Variants in WDR90 observed in about 807,000 individuals in gnomAD.
The protein encoded by WDR90 is WD repeat-containing protein 90.
In WDR90, 238 loss-of-function variants were observed where a neutral mutation model predicts 195.2. The ratio of observed to expected loss-of-function variants is 1.22; its 90% CI spans 1.10 to 1.36. The LOEUF is 1.36. Ranked by LOEUF, WDR90 falls within the 40% of genes most tolerant of loss-of-function variation. WDR90 has a pLI of 0.00. For missense variants in WDR90, 2,734 were observed against 2,439.5 expected, an observed-to-expected ratio of 1.12 and a Z score of -2.54; for synonymous variants, 1,265 against 1,052.4, an observed-to-expected ratio of 1.20 and a Z score of -3.91.
rs988436915 is a variant in WDR90 at position 649,820 on chromosome 16, G to T, written c.68G>T (p.Arg23Leu). The T allele has an allele frequency of 3.2e-6, 5 of 1,582,266 alleles. No individual in the cohort carries two copies. In the South Asian group the frequency reaches 5.7e-5, roughly 18 times the overall value. Residue 23 changes from arginine (R) to leucine (L), a missense_variant, in exon 2 of 41, where the codon CGC (arginine) becomes CTC (leucine). Physicochemically the swap from Arg to Leu is moderately radical, Grantham distance 102. Transcript: ENST00000293879. Reference sequence around the variant, plus strand: ...CACTTCCGGGTGGACGAGTGGAAGCGCTCCGCCAAGCAGGGGGACGTGGCC... The same window carrying T: ...CACTTCCGGGTGGACGAGTGGAAGCTCTCCGCCAAGCAGGGGGACGTGGCC... Reference protein sequence around the residue: ...FRHFRVDEWKRSAKQGDVAVV... With the variant: ...FRHFRVDEWKLSAKQGDVAVV...
At position 666,713 on chromosome 16, in the gene WDR90, C is replaced by G. The variant is rs755255405; in HGVS notation, c.4925C>G (p.Pro1642Arg). 5.6e-6 allele frequency: 9 copies of G among 1,612,734 alleles called. No individual in the cohort carries two copies. Among genetic ancestry groups the G allele is most frequent in the South Asian group, 1.1e-5 (1 of 91,084 alleles). ...CCACCCTCCCTCGCTGCCTTCTGCC[C>G]TTGGGATGGGGCGCTCCTGATGTAC... The part of the protein sequence containing the change: ...HLPPSLAAFC[P>R]WDGALLMYVG... The change falls in exon 39 of 41, where the codon CCT becomes CGT. Residue 1642 changes from proline (P) to arginine (R), a missense_variant. By Grantham distance (103) the Pro-to-Arg change is moderately radical. Coordinates refer to ENST00000293879, the MANE Select transcript of WDR90 (RefSeq NM_145294.5).
rs752683161 is a variant in WDR90 at position 655,858 on chromosome 16, C to T, written c.1935C>T (p.Pro645=). 1.9e-6 allele frequency: 3 copies of T among 1,599,048 alleles called. No individual in the cohort carries two copies. In the East Asian group the frequency reaches 6.8e-5, roughly 36 times the overall value. The change falls in exon 17 of 41, where the codon CCC becomes CCT. Residue 645 remains proline (P), a synonymous_variant. Transcript: ENST00000293879. ...GSEDGFLRLW[P]LDFSSVLLEA... is the part of the protein sequence containing the mutation. Reference sequence around the variant, plus strand: ...AGGACGGCTTCTTGCGGCTCTGGCCCCTGGACTTCTCCTCGGTGCTCCTGG... The same window carrying T: ...AGGACGGCTTCTTGCGGCTCTGGCCTCTGGACTTCTCCTCGGTGCTCCTGG...
intron 13 of WDR90, chr16:654,722 T>A (rs2037711135): frequency 2.5e-6 from 1 of 403,414 alleles, no homozygotes; most frequent in Non-Finnish European, 4.6e-6. Context: ...AGTGCTGGGA[T>A]CACAGGCATG....
At chr16:650,819 T>C in intron 5 of WDR90, 110 bp downstream of exon 5, 1 of 1,508,792 alleles carries the variant, frequency 6.6e-7, no homozygotes. Flanking sequence ...CTGTGCTGTC[T>C]CTGAGCTCTG....
At position 653,326 on chromosome 16, in the gene WDR90, G is replaced by T. The variant is rs368182340; in HGVS notation, c.1123-15G>T. On this transcript the variant is annotated splice_polypyrimidine_tract_variant and intron_variant, in intron 10 of 40. Transcript: ENST00000293879. Reference sequence around the variant, plus strand: ...GCGTAGCACCGGTCCTCAGCCCCCCGCCCCCTTGTGCCAGGCCCTGTGGAC... The same window carrying T: ...GCGTAGCACCGGTCCTCAGCCCCCCTCCCCCTTGTGCCAGGCCCTGTGGAC... The T allele has an allele frequency of 2.7e-5, 41 of 1,507,790 alleles. No individual in the cohort carries two copies. Among genetic ancestry groups the T allele is most frequent in the Non-Finnish European group, 3.5e-5 (39 of 1,128,594 alleles). The allele number at this position is 1,507,790 out of a possible 1,614,324, so 93.4% of individuals were successfully genotyped here. A position where few individuals can be genotyped will look rare whatever the true frequency, so the allele number is the denominator to read the frequency against.
In WDR90 at chr16:655,288, C is replaced by T. The variant is rs1225700552; in HGVS notation, c.1557-19C>T. 2 of 1,608,582 alleles carry T rather than the reference C, an allele frequency of 1.2e-6. No homozygotes were observed. Among genetic ancestry groups the T allele is most frequent in the Non-Finnish European group, 1.7e-6 (2 of 1,179,770 alleles). ...GGGCGCTGCGAGCTGCGGCAGTGCTCAGTCCTCATTCCTTGCAGGATGGCG... is the reference window on the plus strand; with the variant it reads ...GGGCGCTGCGAGCTGCGGCAGTGCTTAGTCCTCATTCCTTGCAGGATGGCG... On this transcript the variant is annotated intron_variant, in intron 14 of 40. Transcript: ENST00000293879.
chr16:665,370 G>C (rs1006889961), intron 34 of WDR90: 1 of 572,318 alleles, frequency 1.7e-6, no homozygotes, highest in Non-Finnish European at 3.1e-6. Context: ...TTCAGCCTCA[G>C]TCTGTAGCCT....
intron 34 of WDR90, 29 bp downstream of exon 34, chr16:662,873 G>C (rs776018490): frequency 1.3e-6 from 2 of 1,537,762 alleles, no homozygotes; most frequent in Non-Finnish European, 1.7e-6. Flanking sequence ...GGGCAGAGGC[G>C]GGGCAGCCGA....
chr16:660,642 T>G lies in WDR90; in HGVS notation c.3319T>G (p.Trp1107Gly). The change falls in exon 28 of 41, where the codon TGG becomes GGG. Residue 1107 changes from tryptophan to glycine, a missense_variant. Physicochemically the swap from Trp to Gly is radical, Grantham distance 184 (BLOSUM62 -2). Coordinates refer to ENST00000293879, the MANE Select transcript of WDR90 (RefSeq NM_145294.5). ...GTCPPPASGG[W>G]LRLKAVVGYS... ...TTGCCCGCCTCCCGCCAGCGGTGGGTGGCTGCGTCTGAAGGCTGTCGTCGG... is the reference window on the plus strand; with the variant it reads ...TTGCCCGCCTCCCGCCAGCGGTGGGGGGCTGCGTCTGAAGGCTGTCGTCGG... The G allele has an allele frequency of 6.3e-7, 1 of 1,577,804 alleles. No individual in the cohort carries two copies. The highest frequency in any genetic ancestry group is 8.6e-7 in the Non-Finnish European group (1 of 1,162,886).
intron 40 of WDR90, 54 bp downstream of exon 40, chr16:667,043 T>C (rs2038097963): frequency 6.6e-7 from 1 of 1,523,922 alleles, no homozygotes; most frequent in Non-Finnish European, 8.9e-7. Context: ...CCAAGTGGGC[T>C]GACTGGTGCC....
intron 35 of WDR90, 28 bp downstream of exon 35, chr16:665,829 C>T (rs748293982): frequency 1.7e-5 from 24 of 1,451,662 alleles, no homozygotes; most frequent in East Asian, 5.5e-5. Flanking sequence ...GGGCCGGGGG[C>T]GGGATGGGGG....
intron 28 of WDR90, 81 bp from the exon 29 acceptor site, chr16:660,970 C>CCCCCT: frequency 2.3e-6 from 1 of 429,264 alleles, no homozygotes; most frequent in South Asian, 4.0e-5. Flanking sequence ...GGCCCCGCCC[C>CCCCCT]CTGTTCGGCC....
Position 666,350 on chromosome 16 carries a change from G to C in WDR90, c.4740G>C (p.Glu1580Asp). ...CTACCATCTGTGTCACGTGCAAAGA[G>C]GTAAAGCAGCCCCAAGAGCTGGGGA... Reference protein sequence around the residue: ...PISTICVTCKECEDLGVEGTD... With the variant: ...PISTICVTCKDCEDLGVEGTD... The change falls in exon 37 of 41, where the codon GAG becomes GAC. Residue 1580 changes from glutamate (E) to aspartate (D), a missense_variant and splice_region_variant. Glu to Asp is a conservative substitution (Grantham distance 45). Coordinates refer to ENST00000293879, the MANE Select transcript of WDR90 (RefSeq NM_145294.5). 1 of 1,612,658 alleles carries C rather than the reference G, an allele frequency of 6.2e-7. No homozygotes were observed. The highest frequency in any genetic ancestry group is 8.5e-7 in the Non-Finnish European group (1 of 1,179,954).
chr16:655,643 C>T lies in WDR90; in HGVS notation c.1789C>T (p.Arg597Cys), dbSNP rs770511043. 42 of 1,606,924 alleles carry T rather than the reference C, an allele frequency of 2.6e-5. No individual in the cohort carries two copies. Among genetic ancestry groups the T allele is most frequent in the Admixed American group, 6.7e-5 (4 of 59,272 alleles). Residue 597 changes from arginine (R) to cysteine (C), a missense_variant, in exon 16 of 41, where the codon CGC (arginine) becomes TGC (cysteine). Physicochemically the swap from Arg to Cys is radical, Grantham distance 180. Coordinates refer to ENST00000293879, the MANE Select transcript of WDR90 (RefSeq NM_145294.5). ...CQRMVVRHAR[R>C]LLPTRTPGGP... is the part of the protein sequence containing the mutation. Reference sequence around the variant, plus strand: ...GCGCATGGTCGTGCGGCATGCCCGCCGCCTGCTCCCCACACGGACTCCAGG... The same window carrying T: ...GCGCATGGTCGTGCGGCATGCCCGCTGCCTGCTCCCCACACGGACTCCAGG...
intron 26 of WDR90, 35 bp from the exon 27 acceptor site, chr16:660,023 G>C (rs1259801217): frequency 1.3e-6 from 2 of 1,482,110 alleles, no homozygotes; most frequent in Non-Finnish European, 1.8e-6. Context: ...GCTCAGGGCA[G>C]TGTAATGCCA....
In WDR90 at chr16:651,696, A is replaced by T; in HGVS notation, c.789A>T (p.Lys263Asn). The T allele has an allele frequency of 6.2e-7, 1 of 1,612,920 alleles. No homozygotes were observed. Among genetic ancestry groups the T allele is most frequent in the Non-Finnish European group, 8.5e-7 (1 of 1,179,972 alleles). The change falls in exon 8 of 41, where the codon AAA (lysine) becomes AAT (asparagine). Residue 263 changes from lysine (K) to asparagine (N), a missense_variant. Physicochemically the swap from Lys to Asn is moderately conservative, Grantham distance 94. Transcript: ENST00000293879. ...TCCCTTGCCCGGTGGCCTCCAGCAA[A>T]CCTGTGCGGTTCAGTGTGTCTCCAG... ...QPLPCPVASSKPVRFSVSPVV... is the reference protein window; with the variant it reads ...QPLPCPVASSNPVRFSVSPVV...
rs924632575 is a variant in WDR90, at chr16:652,044, G to A, written c.1053+5G>A. 6.3e-7 allele frequency: 1 copy of A among 1,587,884 alleles called. No homozygotes were observed. The highest frequency in any genetic ancestry group is 1.3e-5 in the African/African-American group (1 of 74,520). On this transcript the variant is annotated splice_donor_5th_base_variant and intron_variant, in intron 9 of 40. Coordinates refer to ENST00000293879, the MANE Select transcript of WDR90 (RefSeq NM_145294.5). ...GCCCGCACCGGCTCCTGCGAAGTGA[G>A]TGCCCATCCCACAGCAGGCGGGGCC... is the stretch of plus-strand genomic sequence containing the variant.
In WDR90 at chr16:661,508, G is replaced by C. The variant is rs758784610; in HGVS notation, c.3673+7G>C. ...AGGCTTCTTGTCACACTGGGTCAGT[G>C]GGAGGGAGGGTGGAGGCCAGGGGCT... On this transcript the variant is annotated splice_region_variant and intron_variant, in intron 30 of 40. Coordinates refer to ENST00000293879, the MANE Select transcript of WDR90 (RefSeq NM_145294.5). The C allele has an allele frequency of 6.3e-7, 1 of 1,596,758 alleles. No homozygotes were observed. The highest frequency in any genetic ancestry group is 8.6e-7 in the Non-Finnish European group (1 of 1,169,558).
chr16:654,056 A>G (rs1037145168), intron 13 of WDR90: 5 of 526,914 alleles, frequency 9.5e-6, no homozygotes, highest in South Asian at 6.1e-5. Context: ...GCGTTTACAC[A>G]CCTCGCCTCG....
Sources: allele counts gnomAD v4.1 joint callset, GRCh38; gene constraint gnomAD v4.1.1; transcripts MANE v1.5; gene names NCBI Gene and HGNC (gene_info 2026-07-23, HGNC 2026-07-21).